CDK6: variants seen among roughly 807,000 people sequenced by gnomAD.
CDK6 encodes the protein cyclin-dependent kinase 6.
In CDK6, 6 loss-of-function variants were observed where a neutral mutation model predicts 37.1. That is an observed-to-expected ratio of 0.16 (90% CI 0.09 to 0.32). The LOEUF (loss-of-function observed/expected upper bound fraction) is 0.32, where lower values mean the gene tolerates loss of function less well. Among genes scored for constraint, CDK6 ranks in the 10% least tolerant of loss-of-function variants. The pLI, the probability that CDK6 is intolerant of heterozygous loss-of-function variation, is 1.00. For synonymous variants in CDK6, 160 were observed against 161.3 expected (o/e 0.99, Z 0.06); for missense variants, 224 against 418.9 (o/e 0.53, Z 4.06).
chr7:92,718,673 G>A (rs1340789780), intron 4 of CDK6, among the ~76,000 whole-genome samples: 2 of 152,188 alleles, frequency 1.3e-5, no homozygotes, highest in Non-Finnish European at 2.9e-5. Flanking sequence ...ACAGGAGGAT[G>A]CTGGTGACCT....
rs1375105507 is a variant in CDK6 at position 92,608,764 on chromosome 7, T to C, written c.*6376A>G. On this transcript the variant is annotated 3_prime_UTR_variant, in exon 8 of 8. Transcript: ENST00000424848. Reference sequence around the variant, plus strand: ...TGCCTCTGAGACAGCAGCAGGGCACTCTGACCTCGGAAAGCAGCCCGCGGG... The same window carrying C: ...TGCCTCTGAGACAGCAGCAGGGCACCCTGACCTCGGAAAGCAGCCCGCGGG... 8.6e-6 allele frequency: 2 copies of C among 231,438 alleles called. No homozygotes were observed. Among genetic ancestry groups the C allele is most frequent in the African/African-American group, 2.2e-5 (1 of 45,224 alleles). 14.3% of individuals were successfully genotyped at this position (231,438 alleles called of 1,614,324 possible). A position where few individuals can be genotyped will look rare whatever the true frequency, so the allele number is the denominator to read the frequency against.
At chr7:92,687,238 T>C (rs1457691740) in intron 4 of CDK6, among the ~76,000 whole-genome samples, 1 of 152,212 alleles carries the variant, frequency 6.6e-6, no homozygotes, top group Non-Finnish European at 1.5e-5. Flanking sequence ...ACATCTGGTG[T>C]GACCAGAAGA....
At chr7:92,629,206 C>T (rs1297197412) in intron 5 of CDK6, among the ~76,000 whole-genome samples, 3 of 152,060 alleles carry the variant, frequency 2.0e-5, no homozygotes, top group Non-Finnish European at 4.4e-5. Context: ...GGAGGTGCCA[C>T]TTAGAGGAAA....
At chr7:92,647,068 C>A (rs1796468851) in intron 5 of CDK6, among the ~76,000 whole-genome samples, 1 of 152,172 alleles carries the variant, frequency 6.6e-6, no homozygotes, top group South Asian at 2.1e-4. Flanking sequence ...TATGCCAGAG[C>A]TACTCACAGA....
At chr7:92,717,621 G>T (rs559262085) in intron 4 of CDK6, among the ~76,000 whole-genome samples, 2 of 152,310 alleles carry the variant, frequency 1.3e-5, no homozygotes, top group Admixed American at 6.5e-5. Flanking sequence ...GGAACTTCTG[G>T]CTCTTTCTCC....
intron 2 of CDK6, among the ~76,000 whole-genome samples, chr7:92,792,493 T>C (rs528922686): frequency 6.6e-6 from 1 of 152,282 alleles, no homozygotes; most frequent in East Asian, 1.9e-4. Context: ...ACACTTTTTC[T>C]GAATCAAAAT....
At chr7:92,668,583 A>G (rs1052762214) in intron 5 of CDK6, among the ~76,000 whole-genome samples, 2 of 152,114 alleles carry the variant, frequency 1.3e-5, no homozygotes, top group African/African-American at 4.8e-5. Context: ...GCACAGTGAG[A>G]CCCCCATCTC....
chr7:92,773,412 T>G (rs952304479), intron 3 of CDK6, among the ~76,000 whole-genome samples: 1 of 152,090 alleles, frequency 6.6e-6, no homozygotes, highest in Non-Finnish European at 1.5e-5. Flanking sequence ...ACCAAGAGAA[T>G]GATGAGCAGT....
At chr7:92,737,123 G>A (rs1471529996) in intron 3 of CDK6, among the ~76,000 whole-genome samples, 2 of 152,024 alleles carry the variant, frequency 1.3e-5, no homozygotes, top group African/African-American at 2.4e-5. Flanking sequence ...TCCCAGTTTG[G>A]GTAAACAATG....
intron 2 of CDK6, among the ~76,000 whole-genome samples, chr7:92,814,106 T>A (rs1800960040): frequency 6.6e-6 from 1 of 152,210 alleles, no homozygotes; most frequent in Admixed American, 6.5e-5. Flanking sequence ...AAAAATCAAT[T>A]GGCTAACATT....
At chr7:92,815,770 G>T (rs1325992595) in intron 2 of CDK6, among the ~76,000 whole-genome samples, 1 of 152,162 alleles carries the variant, frequency 6.6e-6, no homozygotes, top group African/African-American at 2.4e-5. Flanking sequence ...TCTACATGGG[G>T]TCTATTGAGT....
chr7:92,668,510 G>C (rs1797007812), intron 5 of CDK6, among the ~76,000 whole-genome samples: 1 of 152,152 alleles, frequency 6.6e-6, no homozygotes, highest in African/African-American at 2.4e-5. Flanking sequence ...GACAAAATTT[G>C]GTAACTACTG....
Position 92,615,246 on chromosome 7 carries a change from T to C in CDK6, c.875A>G (p.Tyr292Cys), listed in dbSNP as rs1795650334. The C allele has an allele frequency of 1.2e-6, 2 of 1,614,128 alleles. No homozygotes were observed. The highest frequency in any genetic ancestry group is 1.1e-5 in the South Asian group (1 of 91,078). Residue 292 changes from tyrosine (Y) to cysteine (C), a missense_variant, in exon 8 of 8, where the codon TAC (tyrosine) becomes TGC (cysteine). Coordinates refer to ENST00000424848, the MANE Select transcript of CDK6 (RefSeq NM_001145306.2). The stretch of plus-strand genomic sequence containing the variant: ...GAAGTATGGGTGAGACAGGGCACTG[T>C]AGGCAGATATTCTTTTGGCTGGGTT... ...TFNPAKRISAYSALSHPYFQD... is the reference protein window; with the variant it reads ...TFNPAKRISACSALSHPYFQD...
chr7:92,692,579 T>C (rs1243854023), intron 4 of CDK6, among the ~76,000 whole-genome samples: 1 of 152,056 alleles, frequency 6.6e-6, no homozygotes, highest in East Asian at 1.9e-4. Flanking sequence ...AGCCCAGGAG[T>C]TCGAGACCAG....
At chr7:92,738,931 T>C (rs1043617471) in intron 3 of CDK6, among the ~76,000 whole-genome samples, 2 of 152,170 alleles carry the variant, frequency 1.3e-5, no homozygotes, top group African/African-American at 4.8e-5. Flanking sequence ...GCACCAAAAA[T>C]TGGCTTCCAC....
intron 5 of CDK6, among the ~76,000 whole-genome samples, chr7:92,664,440 T>C (rs564606852): frequency 1.3e-5 from 2 of 152,274 alleles, no homozygotes; most frequent in Admixed American, 6.5e-5. Context: ...CAGTAACCAA[T>C]GGGAAAATTG....
At position 92,614,915 on chromosome 7, in the gene CDK6, A is replaced by G. The variant is rs935560138; in HGVS notation, c.*225T>C. On this transcript the variant is annotated 3_prime_UTR_variant, in exon 8 of 8. Coordinates refer to ENST00000424848, the MANE Select transcript of CDK6 (RefSeq NM_001145306.2). ...ATTTTTCCAGGTTCTTGAAACAAAC[A>G]GACAAACAAACAAACAAATGAACAT... 1.8e-5 allele frequency: 8 copies of G among 453,512 alleles called. No individual in the cohort carries two copies. Among genetic ancestry groups the G allele is most frequent in the Non-Finnish European group, 3.1e-5 (8 of 255,736 alleles). 28.1% of individuals were successfully genotyped at this position (453,512 alleles called of 1,614,324 possible).
intron 4 of CDK6, among the ~76,000 whole-genome samples, chr7:92,690,771 A>G (rs1797583724): frequency 6.6e-6 from 1 of 152,226 alleles, no homozygotes; most frequent in African/African-American, 2.4e-5. Flanking sequence ...AGTAAGAAAA[A>G]TAAGAGCTAG....
chr7:92,619,020 A>C (rs897064461), intron 6 of CDK6, among the ~76,000 whole-genome samples: 2 of 152,174 alleles, frequency 1.3e-5, no homozygotes, highest in African/African-American at 4.8e-5. Context: ...TTATGTATAC[A>C]ATGATAATAA....
Sources: gnomAD v4.1 joint callset for allele counts (sites outside exome capture counted in the v4.1 genomes callset) on GRCh38, gnomAD v4.1.1 for gene constraint, MANE v1.5 for transcripts, NCBI Gene and HGNC (gene_info 2026-07-23, HGNC 2026-07-21) for gene names.